AGPAT3: variants seen among roughly 807,000 people sequenced by gnomAD.
The protein encoded by AGPAT3 is 1-acyl-sn-glycerol-3-phosphate acyltransferase gamma.
AGPAT3 carries 5 observed loss-of-function variants against 47.3 expected under a neutral mutation model. The ratio of observed to expected loss-of-function variants is 0.11; its 90% CI spans 0.06 to 0.22. The LOEUF (loss-of-function observed/expected upper bound fraction) is 0.22, where lower values mean the gene tolerates loss of function less well. Among genes scored for constraint, AGPAT3 ranks in the 10% least tolerant of loss-of-function variants. AGPAT3 has a pLI of 1.00. For missense variants in AGPAT3, 315 were observed against 493.0 expected, an observed-to-expected ratio of 0.64 and a Z score of 3.42; for synonymous variants, 212 against 208.3, an observed-to-expected ratio of 1.02 and a Z score of -0.15.
intron 3 of AGPAT3, chr21:43,967,579 T>G: frequency 4.8e-6 from 1 of 206,292 alleles, no homozygotes; most frequent in Non-Finnish European, 9.8e-6. Flanking sequence ...ACGATGGTTG[T>G]TTTCTGCTTC....
Position 43,876,018 on chromosome 21 carries a change from A to G in AGPAT3, c.-112+10673A>G, listed in dbSNP as rs143489929. Among the ~76,000 whole-genome samples the G allele has an allele frequency of 4.4e-4, 67 of 151,960 alleles. 1 individual carries two copies. The highest frequency in any genetic ancestry group is 1.4e-3 in the African/African-American group (60 of 41,420). Reference sequence around the variant, plus strand: ...TGCCAGGGCTGGTCTTGAACTCCCAAGGTCAAGTGATCCTCTCACCTCAGC... The same window carrying G: ...TGCCAGGGCTGGTCTTGAACTCCCAGGGTCAAGTGATCCTCTCACCTCAGC... On this transcript the variant is annotated intron_variant, in intron 1 of 9. Transcript: ENST00000291572.
chr21:43,874,264 A>G lies in AGPAT3; in HGVS notation c.-112+8919A>G, dbSNP rs540282335. On this transcript the variant is annotated intron_variant, in intron 1 of 9. Coordinates refer to ENST00000291572, the MANE Select transcript of AGPAT3 (RefSeq NM_020132.5). ...TGGTCTTGAACTCCTGACCTCAGGC[A>G]ATCCGCCCACCTCGGCTTCCCCGAG... Among the ~76,000 whole-genome samples the G allele has an allele frequency of 5.2e-3, 791 of 152,160 alleles. 4 individuals are homozygous for G. Among genetic ancestry groups the G allele is most frequent in the African/African-American group, 0.018 (740 of 41,510 alleles).
At chr21:43,865,915 C>T (rs897592014) in intron 1 of AGPAT3, among the ~76,000 whole-genome samples, 1 of 151,710 alleles carries the variant, frequency 6.6e-6, no homozygotes, top group Non-Finnish European at 1.5e-5. Context: ...GGGAGGGCTG[C>T]GGGGCCCGGG....
chr21:43,894,201 A>C (rs1569049951), intron 1 of AGPAT3, among the ~76,000 whole-genome samples: 3 of 146,238 alleles, frequency 2.1e-5, no homozygotes, highest in Non-Finnish European at 4.5e-5. Context: ...GGGGCCAGGT[A>C]TTTCTTTCTT....
At chr21:43,912,845 G>A (rs780595593) in intron 2 of AGPAT3, among the ~76,000 whole-genome samples, 7 of 152,180 alleles carry the variant, frequency 4.6e-5, no homozygotes, top group Non-Finnish European at 1.0e-4. Context: ...GTGCATGCAC[G>A]AGGCTGGCCT....
At chr21:43,871,565 C>A (rs2085625073) in intron 1 of AGPAT3, among the ~76,000 whole-genome samples, 1 of 152,210 alleles carries the variant, frequency 6.6e-6, no homozygotes, top group Admixed American at 6.5e-5. Context: ...CAGCACTTGG[C>A]ATTGCTGTTG....
chr21:43,884,310 A>G (rs904769360), intron 1 of AGPAT3, among the ~76,000 whole-genome samples: 1 of 131,076 alleles, frequency 7.6e-6, no homozygotes, highest in Non-Finnish European at 1.6e-5. Context: ...TGCTGAGGGC[A>G]TTTGGCCTCA....
intron 2 of AGPAT3, among the ~76,000 whole-genome samples, chr21:43,931,649 G>A (rs1206410289): frequency 3.3e-5 from 5 of 151,906 alleles, no homozygotes; most frequent in Non-Finnish European, 7.4e-5. Flanking sequence ...GAGAACTGCC[G>A]CGTGCTTCAG....
rs556483233 is a variant in AGPAT3, at chr21:43,939,516, G to A, written c.-48-20118G>A. On this transcript the variant is annotated intron_variant, in intron 2 of 9. Transcript: ENST00000291572. This position sits in a 1 kb window ranked among gnomAD's most constrained non-coding sequence, Gnocchi z 4.4. ...CGGCCCACCCCACAGCTCTTCCAGCGTGGGAGCTCTGAACATGGGACCCGG... is the reference window on the plus strand; with the variant it reads ...CGGCCCACCCCACAGCTCTTCCAGCATGGGAGCTCTGAACATGGGACCCGG... 1.2e-4 allele frequency among the ~76,000 whole-genome samples: 19 copies of A among 152,308 alleles called. 1 individual carries two copies. The highest frequency in any genetic ancestry group is 1.2e-3 in the South Asian group (6 of 4,824).
chr21:43,980,372 G>A (rs530703323), intron 8 of AGPAT3, among the ~76,000 whole-genome samples: 53 of 152,132 alleles, frequency 3.5e-4, no homozygotes, highest in Middle Eastern at 3.4e-3. Context: ...CCGCCCACGG[G>A]CAGTGGCTGC....
Position 43,955,194 on chromosome 21 carries a change from G to A in AGPAT3, c.-48-4440G>A, listed in dbSNP as rs752579278. ...CGTCTCAGAAGCACCGCGCTGGACC[G>A]GCTGGGCCAGATGCCATGGGATTCT... On this transcript the variant is annotated intron_variant, in intron 2 of 9. Coordinates refer to ENST00000291572, the MANE Select transcript of AGPAT3 (RefSeq NM_020132.5). This position sits in a 1 kb window ranked among gnomAD's most constrained non-coding sequence, Gnocchi z 4.1. The A allele has an allele frequency of 3.4e-5, 43 of 1,258,392 alleles. No individual in the cohort carries two copies. The African/African-American group carries it at 4.8e-4, about 14-fold the overall frequency. The allele number at this position is 1,258,392 out of a possible 1,614,324, so 78.0% of individuals were successfully genotyped here.
chr21:43,921,330 A>T (rs914508849), intron 2 of AGPAT3, among the ~76,000 whole-genome samples: 2 of 152,152 alleles, frequency 1.3e-5, no homozygotes, highest in Non-Finnish European at 2.9e-5. Context: ...ACCCTTTATA[A>T]TAAACCAGTA....
chr21:43,946,891 C>G (rs2087918211), intron 2 of AGPAT3: 1 of 152,306 alleles, frequency 6.6e-6, no homozygotes, highest in Non-Finnish European at 1.5e-5. Context: ...TGGGAAGCGC[C>G]TGCTGTGTCC....
chr21:43,913,429 T>C (rs1259467623), intron 2 of AGPAT3, among the ~76,000 whole-genome samples: 12 of 152,038 alleles, frequency 7.9e-5, no homozygotes, highest in African/African-American at 2.2e-4. Context: ...TATAAAAAAA[T>C]ACAAAAATTA....
At chr21:43,887,816 A>G (rs1428704315) in intron 1 of AGPAT3, among the ~76,000 whole-genome samples, 1 of 151,722 alleles carries the variant, frequency 6.6e-6, no homozygotes, top group Non-Finnish European at 1.5e-5. Context: ...CATCACACCC[A>G]CTGACTTTTG....
At chr21:43,957,864 G>A (rs1204489912) in intron 2 of AGPAT3, among the ~76,000 whole-genome samples, 5 of 152,082 alleles carry the variant, frequency 3.3e-5, no homozygotes, top group Admixed American at 6.5e-5. Flanking sequence ...CCGCTCAGTA[G>A]GAGTGCTGCC....
In AGPAT3 at chr21:43,981,096, T is replaced by TC; in HGVS notation, c.952dup (p.Leu318ProfsTer43). On this transcript the variant is annotated frameshift_variant, in exon 9 of 10. Transcript: ENST00000291572. LOFTEE classifies it high-confidence loss of function. This position sits in a 1 kb window ranked among gnomAD's most constrained non-coding sequence, Gnocchi z 5.3. ...TGAACTTCCTGTCCTGGGCCACCATTCTCCTGTCTCCCCTCTTCAGTTTTG... is the reference window on the plus strand; with the variant it reads ...TGAACTTCCTGTCCTGGGCCACCATTCCTCCTGTCTCCCCTCTTCAGTTTTG... 6.2e-7 allele frequency: 1 copy of TC among 1,614,122 alleles called. No homozygotes were observed.
intron 2 of AGPAT3, among the ~76,000 whole-genome samples, chr21:43,935,466 A>G (rs925782560): frequency 1.7e-4 from 26 of 152,218 alleles, no homozygotes; most frequent in African/African-American, 6.3e-4. Context: ...AGGCCCCACA[A>G]TGTCCCCACA....
chr21:43,878,890 G>T (rs1330986715), intron 1 of AGPAT3, among the ~76,000 whole-genome samples: 1 of 152,026 alleles, frequency 6.6e-6, no homozygotes, highest in East Asian at 1.9e-4. Flanking sequence ...GAAGTTGCAC[G>T]CCACCACACC....
Sources: allele counts gnomAD v4.1 joint callset (sites outside exome capture counted in the v4.1 genomes callset), GRCh38; gene constraint gnomAD v4.1.1; non-coding constraint Gnocchi (gnomAD v3.1); transcripts MANE v1.5; gene names NCBI Gene and HGNC (gene_info 2026-07-23, HGNC 2026-07-21).